WLS: variants seen among roughly 807,000 people sequenced by gnomAD.
WLS encodes the protein Wnt ligand secretion mediator, also known as protein wntless homolog.
In WLS, 23 loss-of-function variants were observed where a neutral mutation model predicts 62.8. The ratio of observed to expected loss-of-function variants is 0.37; its 90% CI spans 0.26 to 0.52. The LOEUF is 0.52. Among genes scored for constraint, WLS ranks in the 20% least tolerant of loss-of-function variants. The pLI, the probability that WLS is intolerant of heterozygous loss-of-function variation, is 0.92. For synonymous variants in WLS, 246 were observed against 244.1 expected (o/e 1.01, Z -0.07); for missense variants, 615 against 697.3 (o/e 0.88, Z 1.33).
At chr1:68,105,657 TACCACGTATAA>T (rs1417002012) in intron 11 of WLS, among the ~76,000 whole-genome samples, 3 of 152,202 alleles carry the variant, frequency 2.0e-5, no homozygotes, top group African/African-American at 4.8e-5. Context: ...AGAAACTACC[TACCACGTATAA>T]ATGGGAAACA....
In WLS at chr1:68,102,221, G is replaced by A. The variant is rs1434717162; in HGVS notation, c.1511-3468C>T. ...CTGTAACAGGACTTTCTGTCCTCTG[G>A]GGGATTGGGAAGTTATTTCCTGCCC... On this transcript the variant is annotated intron_variant, in intron 11 of 11. Transcript: ENST00000354777. Among the ~76,000 whole-genome samples the A allele has an allele frequency of 4.0e-5, 6 of 150,502 alleles. No homozygotes were observed. In the East Asian group the frequency reaches 9.6e-4, roughly 24 times the overall value.
intron 10 of WLS, among the ~76,000 whole-genome samples, chr1:68,141,261 A>G (rs763857209): frequency 1.3e-5 from 2 of 152,056 alleles, no homozygotes; most frequent in Non-Finnish European, 2.9e-5. Context: ...CACACACACA[A>G]AAGAGCTGGG....
intron 1 of WLS, among the ~76,000 whole-genome samples, chr1:68,213,283 T>C (rs1487641243): frequency 1.3e-5 from 2 of 151,858 alleles, no homozygotes; most frequent in African/African-American, 4.8e-5. Flanking sequence ...AAACCCCGTC[T>C]CTACTAAATA....
intron 1 of WLS, among the ~76,000 whole-genome samples, chr1:68,218,562 C>T (rs1185186177): frequency 1.3e-5 from 2 of 152,188 alleles, no homozygotes; most frequent in Non-Finnish European, 2.9e-5. Flanking sequence ...TAGGTGTGTA[C>T]TCTTTGCCAG....
At chr1:68,137,470 T>A (rs1196150986) in intron 11 of WLS, among the ~76,000 whole-genome samples, 4 of 152,208 alleles carry the variant, frequency 2.6e-5, no homozygotes, top group African/African-American at 9.7e-5. Context: ...AACAGTCAAT[T>A]GTGCTCAAAA....
intron 2 of WLS, among the ~76,000 whole-genome samples, chr1:68,173,865 T>C (rs1647190971): frequency 6.6e-6 from 1 of 152,162 alleles, no homozygotes; most frequent in African/African-American, 2.4e-5. Context: ...ATGACGTTTT[T>C]CTAGGCAAGA....
At chr1:68,128,325 C>G (rs754554501) in intron 11 of WLS, among the ~76,000 whole-genome samples, 8 of 152,190 alleles carry the variant, frequency 5.3e-5, no homozygotes, top group Non-Finnish European at 1.0e-4. Context: ...TAGTCCACAC[C>G]TCAGTCAAGC....
chr1:68,101,939 C>G (rs12089463), intron 11 of WLS, among the ~76,000 whole-genome samples: 15,275 of 152,182 alleles, frequency 0.1, 2,274 homozygotes, highest in African/African-American at 0.33. Context: ...GGAGAGAAAT[C>G]AAATATCTTA....
chr1:68,229,027 G>A (rs1428311708), intron 1 of WLS, among the ~76,000 whole-genome samples: 4 of 149,130 alleles, frequency 2.7e-5, no homozygotes, highest in Non-Finnish European at 5.9e-5. Context: ...AATCTAGAAG[G>A]CTACAACGAA....
intron 1 of WLS, among the ~76,000 whole-genome samples, chr1:68,209,488 A>G (rs1649420197): frequency 6.6e-6 from 1 of 152,206 alleles, no homozygotes; most frequent in African/African-American, 2.4e-5. Flanking sequence ...CTTATACAGA[A>G]GTAAGTGTGG....
At chr1:68,150,391 T>G in intron 5 of WLS, 35 bp from the exon 6 acceptor site, 1 of 1,607,120 alleles carries the variant, frequency 6.2e-7, no homozygotes, top group Non-Finnish European at 8.5e-7. Context: ...AGCCACTTTA[T>G]TCATCTGGAA....
chr1:68,142,153 T>A (rs1646695251), intron 10 of WLS, among the ~76,000 whole-genome samples: 1 of 152,228 alleles, frequency 6.6e-6, no homozygotes, highest in African/African-American at 2.4e-5. Context: ...CCTGGCAACA[T>A]GCAGCTGCTT....
At chr1:68,148,255 A>G in intron 7 of WLS, 56 bp from the exon 8 acceptor site, 2 of 1,576,858 alleles carry the variant, frequency 1.3e-6, no homozygotes, top group South Asian at 1.1e-5. Flanking sequence ...GGCAACGGGA[A>G]CTTTCCTTTT....
At chr1:68,159,757 C>T (rs967008382) in intron 2 of WLS, among the ~76,000 whole-genome samples, 1 of 152,352 alleles carries the variant, frequency 6.6e-6, no homozygotes, top group Admixed American at 6.5e-5. Flanking sequence ...TGAAAACATC[C>T]TTCTCAAACT....
intron 4 of WLS, among the ~76,000 whole-genome samples, chr1:68,154,707 C>T (rs545502721): frequency 6.6e-6 from 1 of 152,326 alleles, no homozygotes; most frequent in African/African-American, 2.4e-5. Context: ...CAAGTTCTAA[C>T]TTTTCCCCAA....
At chr1:68,111,456 G>T (rs1052886919) in intron 11 of WLS, among the ~76,000 whole-genome samples, 9 of 152,162 alleles carry the variant, frequency 5.9e-5, no homozygotes, top group African/African-American at 2.2e-4. Context: ...AGAGAGAAGG[G>T]CTGCTCGGTT....
chr1:68,125,350 C>T (rs568370289), downstream of WLS: 83 of 985,358 alleles, frequency 8.4e-5, no homozygotes, highest in Admixed American at 2.8e-3. Flanking sequence ...ATAATCTGCA[C>T]GCATGTGTAT....
At chr1:68,167,716 T>C (rs902052657) in intron 2 of WLS, among the ~76,000 whole-genome samples, 2 of 152,192 alleles carry the variant, frequency 1.3e-5, no homozygotes, top group African/African-American at 4.8e-5. Flanking sequence ...TAGAAGCCCA[T>C]AGGTCCTATG....
chr1:68,134,790 T>C (rs900311516), intron 11 of WLS, among the ~76,000 whole-genome samples: 1 of 152,220 alleles, frequency 6.6e-6, no homozygotes, highest in Non-Finnish European at 1.5e-5. Flanking sequence ...GATGAAAAAC[T>C]CTGTTGAGGA....
Sources: allele counts gnomAD v4.1 joint callset (sites outside exome capture counted in the v4.1 genomes callset), GRCh38; gene constraint gnomAD v4.1.1; transcripts MANE v1.5; gene names NCBI Gene and HGNC (gene_info 2026-07-23, HGNC 2026-07-21).